CTNNA2: variants seen among roughly 807,000 people sequenced by gnomAD.
CTNNA2 encodes catenin alpha 2.
CTNNA2 carries 42 observed loss-of-function variants against 101.0 expected under a neutral mutation model. The observed-to-expected ratio is 0.42, with a 90% CI of 0.32 to 0.54. The LOEUF (loss-of-function observed/expected upper bound fraction) is 0.54. CTNNA2 is among the 20% of genes least tolerant of loss of function. The pLI, the probability that CTNNA2 is intolerant of heterozygous loss-of-function variation, is 0.14. For synonymous variants in CTNNA2, 450 were observed against 456.4 expected (o/e 0.99, Z 0.18); for missense variants, 871 against 1,223.1 (o/e 0.71, Z 4.29).
intron 7 of CTNNA2, among the ~76,000 whole-genome samples, chr2:80,073,106 T>C (rs11691945): frequency 0.35 from 52,723 of 152,122 alleles, 10,058 homozygotes; most frequent in South Asian, 0.62. Context: ...CTGAAAATAT[T>C]TGGAGAAATG....
chr2:79,304,151 A>G (rs988255299), intron 2 of CTNNA2, among the ~76,000 whole-genome samples: 2 of 152,106 alleles, frequency 1.3e-5, no homozygotes, highest in African/African-American at 2.4e-5. Flanking sequence ...GCACATATCT[A>G]AATCGATCAC....
chr2:79,311,206 G>A (rs549861002), intron 2 of CTNNA2, among the ~76,000 whole-genome samples: 11 of 151,908 alleles, frequency 7.2e-5, no homozygotes, highest in Non-Finnish European at 1.6e-4. Context: ...TCAGGAGATC[G>A]AGACCATTCT....
intron 12 of CTNNA2, among the ~76,000 whole-genome samples, chr2:80,564,551 C>T (rs1529785): frequency 0.98 from 147,799 of 150,990 alleles, 72,351 homozygotes; most frequent in South Asian, 0.99. Context: ...GGCAGTCCTT[C>T]TTCATCTTTT....
intron 7 of CTNNA2, among the ~76,000 whole-genome samples, chr2:80,249,762 G>A (rs772902410): frequency 4.6e-5 from 7 of 152,030 alleles, no homozygotes; most frequent in African/African-American, 1.7e-4. Flanking sequence ...ATCCATATGC[G>A]TGCAATTTCA....
chr2:79,588,004 A>G (rs1177767510), intron 1 of CTNNA2, among the ~76,000 whole-genome samples: 3 of 152,198 alleles, frequency 2.0e-5, no homozygotes, highest in Non-Finnish European at 2.9e-5. Flanking sequence ...TTCAAAGTAA[A>G]TAAAGTGATG....
At chr2:79,701,336 C>T (rs1684988763) in intron 2 of CTNNA2, among the ~76,000 whole-genome samples, 1 of 152,150 alleles carries the variant, frequency 6.6e-6, no homozygotes, top group Admixed American at 6.6e-5. Flanking sequence ...TGCATCTGAA[C>T]AGCTGTGATC....
At chr2:79,658,518 G>A (rs1681780087) in intron 2 of CTNNA2, among the ~76,000 whole-genome samples, 1 of 151,974 alleles carries the variant, frequency 6.6e-6, no homozygotes, top group African/African-American at 2.4e-5. Context: ...TTTTAATGGA[G>A]ATTTATAAAA....
At chr2:80,362,241 T>A (rs1674482200) in intron 7 of CTNNA2, among the ~76,000 whole-genome samples, 1 of 152,094 alleles carries the variant, frequency 6.6e-6, no homozygotes, top group Admixed American at 6.6e-5. Flanking sequence ...AGAAAGACAC[T>A]CCTCCATTAT....
chr2:80,347,778 CTTTATT>C (rs1433735743), intron 7 of CTNNA2, among the ~76,000 whole-genome samples: 3 of 151,230 alleles, frequency 2.0e-5, no homozygotes, highest in Non-Finnish European at 1.5e-5. Context: ...ACCTCAGGAT[CTTTATT>C]TTAACAAGAT....
intron 1 of CTNNA2, 129 bp from the exon 2 acceptor site, chr2:79,651,423 A>G: frequency 2.5e-6 from 2 of 798,826 alleles, no homozygotes; most frequent in Non-Finnish European, 4.0e-6. Flanking sequence ...CTCTAATTTG[A>G]CCAGGTTGGA....
At chr2:80,143,643 C>A (rs552069467) in intron 7 of CTNNA2, among the ~76,000 whole-genome samples, 34 of 152,066 alleles carry the variant, frequency 2.2e-4, no homozygotes, top group African/African-American at 8.2e-4. Context: ...CACGATATTA[C>A]GTAAAATACA....
intron 2 of CTNNA2, among the ~76,000 whole-genome samples, chr2:79,652,436 ATCT>A (rs1681326697): frequency 6.6e-6 from 1 of 152,040 alleles, no homozygotes; most frequent in Non-Finnish European, 1.5e-5. Flanking sequence ...TGCTTTTCCC[ATCT>A]TCTAGAAACC....
rs758711209 is a variant in CTNNA2 at position 80,604,058 on chromosome 2, G to C, written c.2190-16G>C. ...CATTAAGTGGATTTCTAATTATGTT[G>C]TATATGTTGTTTCAGAGGCAAAGGC... On this transcript the variant is annotated splice_polypyrimidine_tract_variant and intron_variant, in intron 15 of 18. Transcript: ENST00000402739. The C allele has an allele frequency of 1.1e-5, 17 of 1,600,998 alleles. No individual in the cohort carries two copies. The highest frequency in any genetic ancestry group is 1.3e-5 in the Non-Finnish European group (15 of 1,168,968).
At chr2:80,139,230 C>T (rs766286181) in intron 7 of CTNNA2, among the ~76,000 whole-genome samples, 12 of 152,212 alleles carry the variant, frequency 7.9e-5, no homozygotes, top group South Asian at 4.1e-4. Flanking sequence ...AGCCAATGCA[C>T]GCGTCTTGAG....
intron 9 of CTNNA2, among the ~76,000 whole-genome samples, chr2:80,527,964 A>G (rs1690182479): frequency 6.6e-6 from 1 of 152,168 alleles, no homozygotes; most frequent in Admixed American, 6.5e-5. Context: ...TATCTTTAAT[A>G]TTTCTCAGAC....
intron 8 of CTNNA2, among the ~76,000 whole-genome samples, chr2:80,412,491 A>G (rs957471193): frequency 3.9e-5 from 6 of 152,230 alleles, no homozygotes; most frequent in African/African-American, 1.4e-4. Context: ...CAAAGAAATG[A>G]ATTGAAATGG....
At chr2:79,399,258 A>C (rs187773279) in intron 4 of CTNNA2, among the ~76,000 whole-genome samples, 1 of 152,086 alleles carries the variant, frequency 6.6e-6, no homozygotes, top group Non-Finnish European at 1.5e-5. Flanking sequence ...TATCCATAGG[A>C]AACTTTGCAA....
chr2:80,087,573 G>A (rs1165216515), intron 7 of CTNNA2, among the ~76,000 whole-genome samples: 1 of 152,058 alleles, frequency 6.6e-6, no homozygotes, highest in South Asian at 2.1e-4. Context: ...AAGTTCTCTA[G>A]CCTGTGTGGG....
intron 7 of CTNNA2, among the ~76,000 whole-genome samples, chr2:80,367,013 T>A (rs1400777177): frequency 6.6e-6 from 1 of 151,586 alleles, no homozygotes; most frequent in Non-Finnish European, 1.5e-5. Context: ...TTGCATTTTT[T>A]TTTTTTTTTG....
Sources: allele counts gnomAD v4.1 joint callset (sites outside exome capture counted in the v4.1 genomes callset), GRCh38; gene constraint gnomAD v4.1.1; transcripts MANE v1.5; gene names NCBI Gene and HGNC (gene_info 2026-07-23, HGNC 2026-07-21).